Variants in LILRA5 observed in about 807,000 individuals in gnomAD.
LILRA5 encodes the protein leukocyte immunoglobulin like receptor A5, also known as leukocyte immunoglobulin-like receptor subfamily A member 5.
LILRA5 carries 31 observed loss-of-function variants against 36.3 expected under a neutral mutation model. The ratio of observed to expected loss-of-function variants is 0.85; its 90% CI spans 0.64 to 1.15. The LOEUF (loss-of-function observed/expected upper bound fraction) is 1.15, where lower values mean the gene tolerates loss of function less well. Among genes scored for constraint, LILRA5 ranks in the 50% most tolerant of loss-of-function variants. The probability of loss-of-function intolerance (pLI) is 0.00; values close to 1 mark genes in which losing one functional copy is unlikely to be tolerated. For synonymous variants in LILRA5, 144 were observed against 144.8 expected, an observed-to-expected ratio of 0.99 and a Z score of 0.04; for missense variants, 348 against 377.4, an observed-to-expected ratio of 0.92 and a Z score of 0.64.
Position 54,307,460 on chromosome 19 carries a change from G to A in LILRA5, c.853C>T (p.Gln285Ter). The A allele has an allele frequency of 1.2e-6, 2 of 1,613,950 alleles. No homozygotes were observed. The highest frequency in any genetic ancestry group is 2.2e-5 in the South Asian group (2 of 91,066). The change falls in exon 7 of 7, where the codon CAG (glutamine) becomes TAG (stop). Residue 285 changes from glutamine to a stop codon, truncating the protein, a stop_gained. Transcript: ENST00000432233. LOFTEE classifies it high-confidence loss of function. Reference protein sequence around the residue: ...ILVVLGILIFQDWHSQRSPQA... With the variant: ...ILVVLGILIF Reference sequence around the variant, plus strand: ...GGGCTTCTCTGGCTGTGCCAATCCTGAAATATCAGAATCCCAAGGACCACC... The same window carrying A: ...GGGCTTCTCTGGCTGTGCCAATCCTAAAATATCAGAATCCCAAGGACCACC...
chr19:54,308,345 GTATATATAAATATATATA>G (rs1395363219), intron 5 of LILRA5: 5,517 of 73,136 alleles, frequency 0.075, 632 homozygotes, highest in Middle Eastern at 0.12. Flanking sequence ...GTATATATAT[GTATATATAAATATATATA>G]TATATATATA....
At position 54,312,546 on chromosome 19, in the gene LILRA5, G is replaced by C. The variant is rs1459460644; in HGVS notation, c.79C>G (p.Leu27Val). The stretch of plus-strand genomic sequence containing the variant: ...AGGCTTCCAATCTCACCGAGGCAGA[G>C]CAGAACCATGAGGGCAGGGCTCACG... The part of the protein sequence containing the change: ...DAVSPALMVL[L>V]CLGLSLGPRT... The change falls in exon 2 of 7, where the codon CTC becomes GTC. Residue 27 changes from leucine (L) to valine (V), a missense_variant. Leu to Val is a conservative substitution (Grantham distance 32). Coordinates refer to ENST00000432233, the MANE Select transcript of LILRA5 (RefSeq NM_021250.4). 9 of 1,614,212 alleles carry C rather than the reference G, an allele frequency of 5.6e-6. No individual in the cohort carries two copies. The highest frequency in any genetic ancestry group is 7.6e-6 in the Non-Finnish European group (9 of 1,180,012).
At position 54,312,623 on chromosome 19, in the gene LILRA5, T is replaced by C; in HGVS notation, c.4-2A>G. 1 of 1,614,056 alleles carries C rather than the reference T, an allele frequency of 6.2e-7. No individual in the cohort carries two copies. The highest frequency in any genetic ancestry group is 8.5e-7 in the Non-Finnish European group (1 of 1,179,922). On this transcript the variant is annotated splice_acceptor_variant, in intron 1 of 6. Coordinates refer to ENST00000432233, the MANE Select transcript of LILRA5 (RefSeq NM_021250.4). LOFTEE classifies it high-confidence loss of function. ...TGCAGATGGATGAGACCATGGTGCC[T>C]GGCAGGACAGAGAGACACACAGGGT... is the stretch of plus-strand genomic sequence containing the variant.
At position 54,313,006 on chromosome 19, in the gene LILRA5, G is replaced by A. The variant is rs549010922; in HGVS notation, c.3+11C>T. On this transcript the variant is annotated intron_variant, in intron 1 of 6. Transcript: ENST00000432233. Reference sequence around the variant, plus strand: ...AGCCCGTCCATGAGCTCAGCGTTGCGGGGTCCTTACCATGGTCAGTGATTT... The same window carrying A: ...AGCCCGTCCATGAGCTCAGCGTTGCAGGGTCCTTACCATGGTCAGTGATTT... The A allele has an allele frequency of 2.2e-5, 35 of 1,614,028 alleles. No individual in the cohort carries two copies. Among genetic ancestry groups the A allele is most frequent in the East Asian group, 4.5e-5 (2 of 44,878 alleles).
chr19:54,312,131 T>C lies in LILRA5; in HGVS notation c.142A>G (p.Thr48Ala). The change falls in exon 4 of 7, where the codon ACC (threonine) becomes GCC (alanine). Residue 48 changes from threonine to alanine, a missense_variant. Coordinates refer to ENST00000432233, the MANE Select transcript of LILRA5 (RefSeq NM_021250.4). Reference sequence around the variant, plus strand: ...ACAGAGCCTGGCTCAGCCCAGAGGGTGGCTTTGGAGAGGTTCCCTGGAAGG... The same window carrying C: ...ACAGAGCCTGGCTCAGCCCAGAGGGCGGCTTTGGAGAGGTTCCCTGGAAGG... ...HVQAGNLSKA[T>A]LWAEPGSVIS... The C allele has an allele frequency of 2.5e-6, 4 of 1,613,794 alleles. No individual in the cohort carries two copies. The highest frequency in any genetic ancestry group is 3.4e-6 in the Non-Finnish European group (4 of 1,179,910).
At chr19:54,312,714 G>C in intron 1 of LILRA5, 93 bp from the exon 2 acceptor site, 1 of 1,256,514 alleles carries the variant, frequency 8.0e-7, no homozygotes. Context: ...ACAGAAAGGG[G>C]AACTGCTCTC....
At position 54,311,423 on chromosome 19, in the gene LILRA5, G is replaced by C; in HGVS notation, c.703C>G (p.Pro235Ala). Residue 235 changes from proline (P) to alanine (A), a missense_variant, in exon 5 of 7, where the codon CCG becomes GCG. By Grantham distance (27) the Pro-to-Ala change is conservative. Transcript: ENST00000432233. ...WSEPSDLLEI[P>A]VSGAADNLSP... ...ACTGTGGCTTCCTCACCTGAGACCGGAATCTCCAGGAGGTCACTGGGTTCT... is the reference window on the plus strand; with the variant it reads ...ACTGTGGCTTCCTCACCTGAGACCGCAATCTCCAGGAGGTCACTGGGTTCT... 1 of 1,614,182 alleles carries C rather than the reference G, an allele frequency of 6.2e-7. No homozygotes were observed. Among genetic ancestry groups the C allele is most frequent in the Non-Finnish European group, 8.5e-7 (1 of 1,180,028 alleles).
At position 54,312,641 on chromosome 19, in the gene LILRA5, C is replaced by T; in HGVS notation, c.4-20G>A. On this transcript the variant is annotated intron_variant, in intron 1 of 6. Coordinates refer to ENST00000432233, the MANE Select transcript of LILRA5 (RefSeq NM_021250.4). ...TGGTGCCTGGCAGGACAGAGAGACA[C>T]ACAGGGTGTGGCAGCTCGGAGGCTG... The T allele has an allele frequency of 4.3e-6, 7 of 1,612,478 alleles. No homozygotes were observed. Among genetic ancestry groups the T allele is most frequent in the Non-Finnish European group, 5.9e-6 (7 of 1,178,556 alleles).
intron 5 of LILRA5, chr19:54,308,678 G>C (rs1380716327): frequency 6.6e-6 from 1 of 151,924 alleles, no homozygotes; most frequent in Non-Finnish European, 1.5e-5. Context: ...AGTGAGCCCA[G>C]GTCATGCCAT....
chr19:54,312,184 C>T (rs1261865009), intron 3 of LILRA5, 36 bp from the exon 4 acceptor site: 7 of 1,611,352 alleles, frequency 4.3e-6, no homozygotes, highest in African/African-American at 4.0e-5. Context: ...CCAAGACCTC[C>T]CCACCCCTCA....
Position 54,307,246 on chromosome 19 carries a change from A to C in LILRA5, c.*167T>G, listed in dbSNP as rs1176479144. 5.9e-6 allele frequency: 2 copies of C among 337,616 alleles called. No individual in the cohort carries two copies. Among genetic ancestry groups the C allele is most frequent in the Non-Finnish European group, 9.4e-6 (2 of 213,294 alleles). The allele number at this position is 337,616 out of a possible 1,614,324, so 20.9% of individuals were successfully genotyped here. ...TGACAGAGCAAGACTCCATCTCAAA[A>C]AAAAAAAAAAAAAAAAAAAAGAAAG... On this transcript the variant is annotated 3_prime_UTR_variant, in exon 7 of 7. Coordinates refer to ENST00000432233, the MANE Select transcript of LILRA5 (RefSeq NM_021250.4).
At position 54,312,527 on chromosome 19, in the gene LILRA5, C is replaced by T. The variant is rs759070744; in HGVS notation, c.88+10G>A. On this transcript the variant is annotated intron_variant, in intron 2 of 6. Coordinates refer to ENST00000432233, the MANE Select transcript of LILRA5 (RefSeq NM_021250.4). Reference sequence around the variant, plus strand: ...CTAGGGTGCCCCTTCCCTGAGGCTTCCAATCTCACCGAGGCAGAGCAGAAC... The same window carrying T: ...CTAGGGTGCCCCTTCCCTGAGGCTTTCAATCTCACCGAGGCAGAGCAGAAC... 21 of 1,614,068 alleles carry T rather than the reference C, an allele frequency of 1.3e-5. No homozygotes were observed. In the East Asian group the frequency reaches 4.2e-4, roughly 33 times the overall value.
Position 54,311,867 on chromosome 19 carries a change from T to C in LILRA5, c.406A>G (p.Thr136Ala). 1 of 1,614,148 alleles carries C rather than the reference T, an allele frequency of 6.2e-7. No homozygotes were observed. The highest frequency in any genetic ancestry group is 8.5e-7 in the Non-Finnish European group (1 of 1,180,012). ...GGACCCCAGAGTGTCCTCTCACCTG[T>C]CACCACCAGCTCCAGGGGGTCGCTG... ...EPSDPLELVV[T>A]GFYNKPTLSA... Residue 136 changes from threonine to alanine, a missense_variant, in exon 4 of 7, where the codon ACA becomes GCA. By Grantham distance (58) the Thr-to-Ala change is moderately conservative (BLOSUM62 0). Coordinates refer to ENST00000432233, the MANE Select transcript of LILRA5 (RefSeq NM_021250.4).
intron 1 of LILRA5, 106 bp downstream of exon 1, chr19:54,312,911 T>G: frequency 1.4e-6 from 2 of 1,435,712 alleles, no homozygotes; most frequent in Non-Finnish European, 2.0e-6. Context: ...CCTTCCTGAG[T>G]CAGCCCCTTT....
chr19:54,311,775 G>A, intron 4 of LILRA5, 59 bp from the exon 5 acceptor site: 2 of 1,611,444 alleles, frequency 1.2e-6, no homozygotes, highest in Non-Finnish European at 1.7e-6. Flanking sequence ...TCATCCCCAG[G>A]GCTGGGCTGT....
At position 54,307,316 on chromosome 19, in the gene LILRA5, A is replaced by T; in HGVS notation, c.*97T>A. The T allele has an allele frequency of 8.5e-7, 1 of 1,173,712 alleles. No individual in the cohort carries two copies. Among genetic ancestry groups the T allele is most frequent in the South Asian group, 1.9e-5 (1 of 53,466 alleles). 72.7% of individuals were successfully genotyped at this position (1,173,712 alleles called of 1,614,324 possible). A position where few individuals can be genotyped will look rare whatever the true frequency, so the allele number is the denominator to read the frequency against. The stretch of plus-strand genomic sequence containing the variant: ...AAGAAATTGCCAGCAGACAGTCCAG[A>T]TGGCATAGGCCTCAGATGGTCTTCC... On this transcript the variant is annotated 3_prime_UTR_variant, in exon 7 of 7. Coordinates refer to ENST00000432233, the MANE Select transcript of LILRA5 (RefSeq NM_021250.4).
Position 54,307,330 on chromosome 19 carries a change from A to T in LILRA5, c.*83T>A. ...AGACAGTCCAGATGGCATAGGCCTCAGATGGTCTTCCCGAACCTCCTAGGA... is the reference window on the plus strand; with the variant it reads ...AGACAGTCCAGATGGCATAGGCCTCTGATGGTCTTCCCGAACCTCCTAGGA... On this transcript the variant is annotated 3_prime_UTR_variant, in exon 7 of 7. Coordinates refer to ENST00000432233, the MANE Select transcript of LILRA5 (RefSeq NM_021250.4). 7.1e-7 allele frequency: 1 copy of T among 1,413,348 alleles called. No homozygotes were observed. Among genetic ancestry groups the T allele is most frequent in the East Asian group, 2.3e-5 (1 of 42,592 alleles). The allele number at this position is 1,413,348 out of a possible 1,614,324, so 87.6% of individuals were successfully genotyped here.
Position 54,311,907 on chromosome 19 carries a change from T to C in LILRA5, c.366A>G (p.Ala122=). Residue 122 remains alanine, a synonymous_variant, in exon 4 of 7, where the codon GCA becomes GCG. Coordinates refer to ENST00000432233, the MANE Select transcript of LILRA5 (RefSeq NM_021250.4). Reference sequence around the variant, plus strand: ...GGGGGTCGCTGGGCTCTGACCAGCCTGCAGGGCTGTAGTAGTAACAGCGGT... The same window carrying C: ...GGGGGTCGCTGGGCTCTGACCAGCCCGCAGGGCTGTAGTAGTAACAGCGGT... ...GRYRCYYYSP[A]GWSEPSDPLE... The C allele has an allele frequency of 1.2e-6, 2 of 1,614,196 alleles. No homozygotes were observed. The highest frequency in any genetic ancestry group is 1.7e-6 in the Non-Finnish European group (2 of 1,180,028).
chr19:54,308,401 A>G (rs1165141730), intron 5 of LILRA5: 3 of 104,070 alleles, frequency 2.9e-5, no homozygotes, highest in Non-Finnish European at 3.8e-5. Flanking sequence ...ATATATATAT[A>G]TATATATGGT....
Sources: gnomAD v4.1 joint callset for allele counts on GRCh38, gnomAD v4.1.1 for gene constraint, MANE v1.5 for transcripts, NCBI Gene and HGNC (gene_info 2026-07-23, HGNC 2026-07-21) for gene names.